Variants in FYN observed in about 807,000 individuals in gnomAD.
FYN encodes the protein FYN proto-oncogene, Src family tyrosine kinase.
Under a neutral mutation model 70.2 loss-of-function variants are expected in FYN, and 10 were observed. That is an observed-to-expected ratio of 0.14 (90% CI 0.09 to 0.24). The LOEUF (loss-of-function observed/expected upper bound fraction) is 0.24. Among genes scored for constraint, FYN ranks in the 10% least tolerant of loss-of-function variants. The pLI, the probability that FYN is intolerant of heterozygous loss-of-function variation, is 1.00. For synonymous variants in FYN, 236 were observed against 248.6 expected (o/e 0.95, Z 0.48); for missense variants, 319 against 673.1 (o/e 0.47, Z 5.82).
chr6:111,854,119 G>A (rs1305434678), intron 1 of FYN, among the ~76,000 whole-genome samples: 2 of 152,138 alleles, frequency 1.3e-5, no homozygotes, highest in African/African-American at 4.8e-5. Context: ...GTTATTACTG[G>A]TTATATTAAA....
intron 3 of FYN, among the ~76,000 whole-genome samples, chr6:111,746,704 C>T (rs1583399665): frequency 6.6e-6 from 1 of 152,082 alleles, no homozygotes; most frequent in South Asian, 2.1e-4. Context: ...GTGAAGTCAC[C>T]AACTATTCTC....
rs369679264 is a variant in FYN, at chr6:111,662,450, C to T, written c.1406-503G>A. The stretch of plus-strand genomic sequence containing the variant: ...CTTCTTTTTAACAACCCTTTAAAAA[C>T]GTACAAAACAAACACAGGTTGGGAG... On this transcript the variant is annotated intron_variant, in intron 13 of 13. Coordinates refer to ENST00000354650, the MANE Select transcript of FYN (RefSeq NM_002037.5). 1.8e-3 allele frequency among the ~76,000 whole-genome samples: 275 copies of T among 152,292 alleles called. 1 individual carries two copies. The highest frequency in any genetic ancestry group is 6.2e-3 in the African/African-American group (258 of 41,564).
At chr6:111,839,753 T>C (rs754796229) in intron 2 of FYN, among the ~76,000 whole-genome samples, 3 of 152,166 alleles carry the variant, frequency 2.0e-5, no homozygotes, top group Non-Finnish European at 4.4e-5. Flanking sequence ...GGTTGGGTTT[T>C]CAGGTACTGA....
chr6:111,819,688 T>C (rs1004857598), intron 2 of FYN, among the ~76,000 whole-genome samples: 20 of 152,184 alleles, frequency 1.3e-4, no homozygotes, highest in Non-Finnish European at 2.5e-4. Context: ...ACTACTTACT[T>C]TGTGTTTGTT....
At chr6:111,862,968 C>G (rs1284116214) in intron 1 of FYN, among the ~76,000 whole-genome samples, 3 of 152,212 alleles carry the variant, frequency 2.0e-5, no homozygotes, top group East Asian at 3.8e-4. Flanking sequence ...TCTGGCTAAC[C>G]AAGCATTAGC....
At chr6:111,833,038 G>C (rs2114420823) in intron 2 of FYN, among the ~76,000 whole-genome samples, 1 of 152,278 alleles carries the variant, frequency 6.6e-6, no homozygotes, top group East Asian at 1.9e-4. Context: ...CTAAAATCTA[G>C]ATATGAAAGA....
intron 3 of FYN, among the ~76,000 whole-genome samples, chr6:111,744,019 T>G (rs1000343038): frequency 6.6e-6 from 1 of 152,220 alleles, no homozygotes; most frequent in African/African-American, 2.4e-5. Flanking sequence ...GGACATGAGA[T>G]TGGACCGCAC....
At chr6:111,698,821 A>G (rs1276500043) in intron 9 of FYN, among the ~76,000 whole-genome samples, 1 of 152,162 alleles carries the variant, frequency 6.6e-6, no homozygotes, top group Non-Finnish European at 1.5e-5. Flanking sequence ...GTGGTGGCTC[A>G]CGCCTGTAAT....
chr6:111,669,794 T>A (rs182582283), intron 13 of FYN, among the ~76,000 whole-genome samples: 1 of 152,150 alleles, frequency 6.6e-6, no homozygotes, highest in East Asian at 1.9e-4. Flanking sequence ...TTACTGACAG[T>A]CTACTATGGG....
intron 3 of FYN, among the ~76,000 whole-genome samples, chr6:111,764,238 G>GAAAAA (rs753761011): frequency 8.0e-5 from 7 of 87,104 alleles, no homozygotes; most frequent in African/African-American, 1.9e-4. Context: ...AAAAAGAAAA[G>GAAAAA]AAAAAAAAAG....
chr6:111,805,587 T>G (rs990796396), intron 2 of FYN, among the ~76,000 whole-genome samples: 5 of 152,084 alleles, frequency 3.3e-5, no homozygotes, highest in Non-Finnish European at 7.4e-5. Context: ...ACTGGCCCCC[T>G]TTCTGCTCCT....
In FYN at chr6:111,843,401, T is replaced by C. The variant is rs1051068225; in HGVS notation, c.-82+3188A>G. Among the ~76,000 whole-genome samples the C allele has an allele frequency of 2.0e-5, 3 of 152,362 alleles. No homozygotes were observed. The South Asian group carries it at 6.2e-4, about 32-fold the overall frequency. ...ATTTTTAAATGGGTATGGGTTTCAC[T>C]TTTTAAAAATACACTTTATACACTT... On this transcript the variant is annotated intron_variant, in intron 2 of 13. Coordinates refer to ENST00000354650, the MANE Select transcript of FYN (RefSeq NM_002037.5).
At chr6:111,814,040 G>C (rs1177272875) in intron 2 of FYN, 2 of 152,270 alleles carry the variant, frequency 1.3e-5, no homozygotes, top group East Asian at 3.8e-4. Context: ...ACCAGCACTA[G>C]CAAATCTTAA....
intron 1 of FYN, among the ~76,000 whole-genome samples, chr6:111,865,338 G>A (rs1774074924): frequency 6.6e-6 from 1 of 152,184 alleles, no homozygotes; most frequent in African/African-American, 2.4e-5. Flanking sequence ...GGCTGTTCTG[G>A]AAGCAGGCTG....
At chr6:111,710,544 G>C (rs968694629) in intron 5 of FYN, among the ~76,000 whole-genome samples, 2 of 152,210 alleles carry the variant, frequency 1.3e-5, no homozygotes, top group African/African-American at 4.8e-5. Flanking sequence ...TCATGAGAAA[G>C]ATAAAATCCT....
intron 2 of FYN, among the ~76,000 whole-genome samples, chr6:111,816,535 T>C (rs1053301946): frequency 2.0e-5 from 3 of 152,164 alleles, no homozygotes; most frequent in African/African-American, 7.2e-5. Context: ...ACTCCATAGA[T>C]CATAAGGAGG....
intron 8 of FYN, among the ~76,000 whole-genome samples, chr6:111,701,541 G>A (rs1799836564): frequency 6.6e-6 from 1 of 152,146 alleles, no homozygotes; most frequent in African/African-American, 2.4e-5. Context: ...ATAAAAACAA[G>A]TCTAACGTGA....
chr6:111,777,508 A>G (rs1770998385), intron 3 of FYN, among the ~76,000 whole-genome samples: 1 of 152,106 alleles, frequency 6.6e-6, no homozygotes, highest in Non-Finnish European at 1.5e-5. Context: ...GATCTACGAT[A>G]TATTTCAAGA....
chr6:111,781,985 A>G (rs993746287), intron 2 of FYN, among the ~76,000 whole-genome samples: 5 of 152,182 alleles, frequency 3.3e-5, no homozygotes, highest in African/African-American at 1.2e-4. Flanking sequence ...TACTTTCATA[A>G]TATTAGGAAA....
Sources: gnomAD v4.1 joint callset for allele counts (sites outside exome capture counted in the v4.1 genomes callset) on GRCh38, gnomAD v4.1.1 for gene constraint, MANE v1.5 for transcripts, NCBI Gene and HGNC (gene_info 2026-07-23, HGNC 2026-07-21) for gene names.